SHOC1: variants seen among roughly 807,000 people sequenced by gnomAD.
The protein encoded by SHOC1 is protein shortage in chiasmata 1 ortholog.
Under a neutral mutation model 179.2 loss-of-function variants are expected in SHOC1, and 136 were observed. The ratio of observed to expected loss-of-function variants is 0.76; its 90% CI spans 0.66 to 0.87. The LOEUF (loss-of-function observed/expected upper bound fraction) is 0.87. Ranked by LOEUF, SHOC1 falls within the 40% of genes least tolerant of loss-of-function variation. The pLI is 0.00. For missense variants in SHOC1, 1,538 were observed against 1,700.8 expected (o/e 0.90, Z 1.68); for synonymous variants, 489 against 586.6 (o/e 0.83, Z 2.41).
At chr9:111,784,586 G>A (rs937626326) in intron 3 of SHOC1, among the ~76,000 whole-genome samples, 13 of 152,042 alleles carry the variant, frequency 8.6e-5, no homozygotes, top group African/African-American at 3.1e-4. Flanking sequence ...CATAAATCAG[G>A]TTATATCATT....
Position 111,718,303 on chromosome 9 carries a change from A to AT in SHOC1, c.2132-16dup, listed in dbSNP as rs755602836. ...ATCAATTGTACCTAAGTAAGCAAAA[A>AT]TGTATTTTAAAACATAGACTATACA... On this transcript the variant is annotated splice_polypyrimidine_tract_variant and intron_variant, in intron 15 of 27. Transcript: ENST00000682961. 18 of 1,525,882 alleles carry AT rather than the reference A, an allele frequency of 1.2e-5. No homozygotes were observed. The highest frequency in any genetic ancestry group is 2.8e-5 in the African/African-American group (2 of 71,418). 94.5% of individuals were successfully genotyped at this position (1,525,882 alleles called of 1,614,324 possible).
At chr9:111,689,260 C>G (rs1831315067) in intron 27 of SHOC1, among the ~76,000 whole-genome samples, 1 of 151,016 alleles carries the variant, frequency 6.6e-6, no homozygotes, top group Admixed American at 6.6e-5. Context: ...GTGGTGCGTA[C>G]CTTTCGTCCC....
chr9:111,758,994 A>G, intron 5 of SHOC1, 146 bp from the exon 6 acceptor site: 1 of 897,850 alleles, frequency 1.1e-6, no homozygotes, highest in Non-Finnish European at 1.7e-6. Flanking sequence ...TGTACTGTGC[A>G]TATAGAGCAT....
At chr9:111,777,728 G>A (rs990963601) in intron 4 of SHOC1, among the ~76,000 whole-genome samples, 1 of 152,104 alleles carries the variant, frequency 6.6e-6, no homozygotes, top group African/African-American at 2.4e-5. Context: ...CCTAATATAT[G>A]TTTTTCCTAA....
At chr9:111,769,398 T>C (rs974319436) in intron 5 of SHOC1, among the ~76,000 whole-genome samples, 2 of 152,236 alleles carry the variant, frequency 1.3e-5, no homozygotes, top group African/African-American at 4.8e-5. Flanking sequence ...TTTTCTTTGA[T>C]GAGAGGCTTT....
Position 111,714,531 on chromosome 9 carries a change from T to C in SHOC1, c.2329A>G (p.Arg777Gly). ...WRQLEIVQFIRGKKPETNYKI... is the reference protein window; with the variant it reads ...WRQLEIVQFIGGKKPETNYKI... The stretch of plus-strand genomic sequence containing the variant: ...TAGTTGGTTTCAGGCTTTTTCCCCC[T>C]AATAAACTGTACAATCTCCAGCTGT... Residue 777 changes from arginine to glycine, a missense_variant, in exon 17 of 28, where the codon AGG (arginine) becomes GGG (glycine). Coordinates refer to ENST00000682961, the MANE Select transcript of SHOC1 (RefSeq NM_001378211.1). The C allele has an allele frequency of 1.2e-6, 2 of 1,613,984 alleles. No homozygotes were observed. The highest frequency in any genetic ancestry group is 1.7e-6 in the Non-Finnish European group (2 of 1,179,928).
In SHOC1 at chr9:111,746,438, G is replaced by A. The variant is rs556517787; in HGVS notation, c.971-96C>T. ...ACCTGTAATTCTAACACTTTGGGAG[G>A]CTGAGGTAGGAGGATCACTTGAGTC... On this transcript the variant is annotated intron_variant, in intron 9 of 27. Coordinates refer to ENST00000682961, the MANE Select transcript of SHOC1 (RefSeq NM_001378211.1). The A allele has an allele frequency of 3.4e-4, 235 of 688,214 alleles. 1 individual carries two copies. In the African/African-American group the frequency reaches 3.7e-3, roughly 11 times the overall value. 42.6% of individuals were successfully genotyped at this position (688,214 alleles called of 1,614,324 possible).
At chr9:111,719,030 T>C (rs1564122788) in intron 15 of SHOC1, among the ~76,000 whole-genome samples, 1 of 152,186 alleles carries the variant, frequency 6.6e-6, no homozygotes, top group Non-Finnish European at 1.5e-5. Context: ...TGATGATCTA[T>C]TCAATGAAGA....
intron 27 of SHOC1, 57 bp from the exon 28 acceptor site, chr9:111,686,927 T>G (rs924119167): frequency 9.1e-7 from 1 of 1,095,134 alleles, no homozygotes; most frequent in Non-Finnish European, 1.3e-6. Context: ...AAAGTATAGG[T>G]TTTTTCTTTT....
chr9:111,793,622 A>ATGGTTAGAGAGAGGGTAATTTAAAAT (rs149134411), intron 1 of SHOC1, among the ~76,000 whole-genome samples: 26,690 of 151,282 alleles, frequency 0.18, 2,579 homozygotes, highest in Non-Finnish European at 0.22. Flanking sequence ...GAACAAAATC[A>ATGGTTAGAGAGAGGGTAATTTAAAAT]TGGTTAGAGA....
chr9:111,793,059 T>C (rs184097196), intron 1 of SHOC1, among the ~76,000 whole-genome samples: 2 of 152,276 alleles, frequency 1.3e-5, no homozygotes, highest in Admixed American at 6.5e-5. Flanking sequence ...ATTTTTTGTA[T>C]ATTTAGTAGA....
At chr9:111,785,778 C>A in intron 3 of SHOC1, 134 bp downstream of exon 3, 1 of 653,780 alleles carries the variant, frequency 1.5e-6, no homozygotes, top group Non-Finnish European at 2.2e-6. Flanking sequence ...AAGTTGTTAA[C>A]TTCTTGGAAT....
intron 3 of SHOC1, chr9:111,783,383 C>A (rs147990923): frequency 6.6e-6 from 1 of 152,216 alleles, no homozygotes; most frequent in South Asian, 2.1e-4. Context: ...TCATCAATGA[C>A]CTACATTTAG....
intron 5 of SHOC1, among the ~76,000 whole-genome samples, chr9:111,775,003 AT>A (rs1036352445): frequency 0.013 from 1,992 of 150,472 alleles, 53 homozygotes; most frequent in African/African-American, 0.046. Flanking sequence ...TTAAAAAAAA[AT>A]TTTTTTTTTG....
intron 5 of SHOC1, among the ~76,000 whole-genome samples, chr9:111,761,872 G>A (rs1589452848): frequency 6.6e-6 from 1 of 151,972 alleles, no homozygotes; most frequent in Admixed American, 6.6e-5. Context: ...CATCACATTG[G>A]TTTAAATGTA....
intron 18 of SHOC1, among the ~76,000 whole-genome samples, chr9:111,710,954 GGT>G: frequency 6.6e-6 from 1 of 152,110 alleles, no homozygotes; most frequent in Non-Finnish European, 1.5e-5. Context: ...GTAACCAAAG[GGT>G]GACATAGGTT....
intron 18 of SHOC1, 48 bp from the exon 19 acceptor site, chr9:111,707,972 A>T: frequency 9.1e-7 from 1 of 1,095,178 alleles, no homozygotes; most frequent in Non-Finnish European, 1.3e-6. Flanking sequence ...TCAGATACAT[A>T]TTTTTGGTAT....
In SHOC1 at chr9:111,713,133, G is replaced by A. The variant is rs1344827969; in HGVS notation, c.2455C>T (p.His819Tyr). The A allele has an allele frequency of 5.7e-6, 9 of 1,572,784 alleles. No individual in the cohort carries two copies. The highest frequency in any genetic ancestry group is 7.8e-6 in the Non-Finnish European group (9 of 1,147,006). The change falls in exon 18 of 28, where the codon CAT (histidine) becomes TAT (tyrosine). Residue 819 changes from histidine (H) to tyrosine (Y), a missense_variant. By Grantham distance (83) the His-to-Tyr change is moderately conservative. Transcript: ENST00000682961. The part of the protein sequence containing the change: ...IIRMDSDGEK[H>Y]FLIKILNKIE... ...TTGTTAAGAATTTTAATGAGAAAAT[G>A]TTTTTCACCGTCTGAGTCCATTCTT...
In SHOC1 at chr9:111,694,327, C is replaced by T. The variant is rs1402276421; in HGVS notation, c.3219G>A (p.Leu1073=). ...IIAPGVEATA[L]IIRQIADHSL... ...TGTGGTCAGCAATTTGTCGAATTAT[C>T]AAGGCAGTTGCTTCTACTCCTGGGG... The change falls in exon 25 of 28, where the codon TTG becomes TTA. Residue 1073 remains leucine, a synonymous_variant. Transcript: ENST00000682961. 2 of 1,611,044 alleles carry T rather than the reference C, an allele frequency of 1.2e-6. No individual in the cohort carries two copies. Among genetic ancestry groups the T allele is most frequent in the East Asian group, 4.5e-5 (2 of 44,750 alleles).
Sources: allele counts gnomAD v4.1 joint callset (sites outside exome capture counted in the v4.1 genomes callset), GRCh38; gene constraint gnomAD v4.1.1; transcripts MANE v1.5; gene names NCBI Gene and HGNC (gene_info 2026-07-23, HGNC 2026-07-21).